The following PTPRB variants were observed in gnomAD, a reference collection of about 807,000 sequenced individuals.
The protein encoded by PTPRB is protein tyrosine phosphatase receptor type B.
In PTPRB, 97 loss-of-function variants were observed where a neutral mutation model predicts 238.1. The ratio of observed to expected loss-of-function variants is 0.41; its 90% CI spans 0.35 to 0.48. The LOEUF is 0.48. Among genes scored for constraint, PTPRB ranks in the 20% least tolerant of loss-of-function variants. The pLI, the probability that PTPRB is intolerant of heterozygous loss-of-function variation, is 0.30. For synonymous variants in PTPRB, 970 were observed against 995.4 expected, an observed-to-expected ratio of 0.97 and a Z score of 0.48; for missense variants, 2,292 against 2,681.9, an observed-to-expected ratio of 0.85 and a Z score of 3.21.
chr12:70,558,423 G>A (rs1878017809), intron 18 of PTPRB, among the ~76,000 whole-genome samples: 2 of 152,090 alleles, frequency 1.3e-5, no homozygotes, highest in Non-Finnish European at 2.9e-5. Context: ...TTTCAACTAT[G>A]TATTTTATCA....
Position 70,566,415 on chromosome 12 carries a change from C to T in PTPRB, c.3904+20G>A. Reference sequence around the variant, plus strand: ...GACATTGGCAATATGTGCTACAAAACATTATGCTGTGCTAATTACCTGTTC... The same window carrying T: ...GACATTGGCAATATGTGCTACAAAATATTATGCTGTGCTAATTACCTGTTC... On this transcript the variant is annotated intron_variant, in intron 15 of 33. Coordinates refer to ENST00000334414, the MANE Select transcript of PTPRB (RefSeq NM_001109754.4). 1 of 1,611,196 alleles carries T rather than the reference C, an allele frequency of 6.2e-7. No homozygotes were observed. Among genetic ancestry groups the T allele is most frequent in the Non-Finnish European group, 8.5e-7 (1 of 1,178,346 alleles).
In PTPRB at chr12:70,560,580, C is replaced by G; in HGVS notation, c.4432+91G>C. 1 of 1,529,740 alleles carries G rather than the reference C, an allele frequency of 6.5e-7. No homozygotes were observed. Among genetic ancestry groups the G allele is most frequent in the East Asian group, 2.3e-5 (1 of 44,232 alleles). The allele number at this position is 1,529,740 out of a possible 1,614,324, so 94.8% of individuals were successfully genotyped here. ...CTAGCTCAGGGTATATCATTATTGG[C>G]TTTATCTCTTGTCATTAAAATCAGA... On this transcript the variant is annotated intron_variant, in intron 17 of 33. Coordinates refer to ENST00000334414, the MANE Select transcript of PTPRB (RefSeq NM_001109754.4). This position sits in a 1 kb window ranked among gnomAD's most constrained non-coding sequence, Gnocchi z 4.2.
In PTPRB at chr12:70,570,744, C is replaced by T. The variant is rs191505696; in HGVS notation, c.3370+282G>A. On this transcript the variant is annotated intron_variant, in intron 13 of 33. Coordinates refer to ENST00000334414, the MANE Select transcript of PTPRB (RefSeq NM_001109754.4). ...TTCTAAAGAAGTGATACCCAAGTAA[C>T]ACTTAATTCTTAATCTGTGTGCCTC... 1.6e-4 allele frequency among the ~76,000 whole-genome samples: 24 copies of T among 152,268 alleles called. 1 individual carries two copies. In the Middle Eastern group the frequency reaches 0.01, roughly 65 times the overall value.
rs1449699622 is a variant in PTPRB, at chr12:70,560,722, C to T, written c.4381G>A (p.Val1461Ile). The T allele has an allele frequency of 6.2e-7, 1 of 1,613,838 alleles. No homozygotes were observed. Among genetic ancestry groups the T allele is most frequent in the African/African-American group, 1.3e-5 (1 of 74,922 alleles). The change falls in exon 17 of 34, where the codon GTA (valine) becomes ATA (isoleucine). Residue 1461 changes from valine to isoleucine, a missense_variant. Physicochemically the swap from Val to Ile is conservative, Grantham distance 29 (BLOSUM62 3). Coordinates refer to ENST00000334414, the MANE Select transcript of PTPRB (RefSeq NM_001109754.4). This position sits in a 1 kb window ranked among gnomAD's most constrained non-coding sequence, Gnocchi z 4.2. The stretch of plus-strand genomic sequence containing the variant: ...TTGCTGAGATCTCCACTGTGAGTTA[C>T]CACCCACAGCACGTACTTCCTTCCA... ...VPGRKYVLWV[V>I]THSGDLSNKV...
rs1555230172 is a variant in PTPRB, at chr12:70,576,662, T to TAGGGGG, written c.2579-18_2579-17insCCCCCT. The TAGGGGG allele has an allele frequency of 3.3e-4, 5 of 15,194 alleles. No homozygotes were observed. Among genetic ancestry groups the TAGGGGG allele is most frequent in the Non-Finnish European group, 5.2e-4 (5 of 9,620 alleles). 0.9% of individuals were successfully genotyped at this position (15,194 alleles called of 1,614,324 possible). ...TGGAAGGGACTGTGATTTTGAAAGG[T>TAGGGGG]GGGGGGCGGGGGGGGGGGGGAAGGG... is the stretch of plus-strand genomic sequence containing the variant. On this transcript the variant is annotated splice_polypyrimidine_tract_variant and intron_variant, in intron 10 of 33. Transcript: ENST00000334414.
intron 3 of PTPRB, among the ~76,000 whole-genome samples, chr12:70,614,755 T>C (rs976479518): frequency 7.9e-5 from 12 of 152,158 alleles, no homozygotes; most frequent in African/African-American, 2.9e-4. Context: ...AACTACAAGA[T>C]GGCAAATCCT....
At chr12:70,604,320 T>A (rs191261478) in intron 4 of PTPRB, among the ~76,000 whole-genome samples, 1 of 152,154 alleles carries the variant, frequency 6.6e-6, no homozygotes, top group African/African-American at 2.4e-5. Flanking sequence ...CTGGGAAAGA[T>A]AATAAATACT....
chr12:70,613,628 A>G (rs1285957314), intron 3 of PTPRB, among the ~76,000 whole-genome samples: 1 of 152,114 alleles, frequency 6.6e-6, no homozygotes, highest in East Asian at 1.9e-4. Context: ...AATTCAGAGC[A>G]ATGACTTTTG....
intron 16 of PTPRB, 106 bp from the exon 17 acceptor site, chr12:70,561,040 A>C: frequency 8.7e-7 from 1 of 1,149,632 alleles, no homozygotes; most frequent in South Asian, 1.5e-5. Context: ...AGTCGTACAT[A>C]TTGTAGTCAG....
At chr12:70,524,702 G>A in intron 32 of PTPRB, 111 bp from the exon 33 acceptor site, 1 of 1,133,824 alleles carries the variant, frequency 8.8e-7, no homozygotes, top group Non-Finnish European at 1.2e-6. Context: ...CAAATTTCTT[G>A]AACATCGCTT....
At chr12:70,525,925 T>G (rs1353915934) in intron 32 of PTPRB, among the ~76,000 whole-genome samples, 1 of 150,182 alleles carries the variant, frequency 6.7e-6, no homozygotes, top group Non-Finnish European at 1.5e-5. Context: ...TTAAAGGATA[T>G]AGATTGATGT....
chr12:70,572,155 AGCTGG>A, intron 11 of PTPRB, 68 bp from the exon 12 acceptor site: 1 of 1,403,636 alleles, frequency 7.1e-7, no homozygotes, highest in Admixed American at 2.1e-5. Context: ...ACAGATGACA[AGCTGG>A]GACAATAAAA....
At chr12:70,559,653 A>G (rs1333332473) in intron 17 of PTPRB, 29 bp from the exon 18 acceptor site, 4 of 1,557,832 alleles carry the variant, frequency 2.6e-6, no homozygotes, top group Non-Finnish European at 3.5e-6. Flanking sequence ...GAAAAATCAC[A>G]TAATCACAGC....
At chr12:70,535,796 C>T (rs1224944807) in intron 29 of PTPRB, among the ~76,000 whole-genome samples, 1 of 152,164 alleles carries the variant, frequency 6.6e-6, no homozygotes, top group Non-Finnish European at 1.5e-5. Flanking sequence ...TGCCACTAAT[C>T]CCAGTCCTCA....
intron 9 of PTPRB, among the ~76,000 whole-genome samples, chr12:70,583,356 G>C (rs1881576339): frequency 6.6e-6 from 1 of 152,126 alleles, no homozygotes; most frequent in Non-Finnish European, 1.5e-5. Flanking sequence ...GACTTGTCAG[G>C]AATGTAAGAG....
At position 70,541,129 on chromosome 12, in the gene PTPRB, A is replaced by G. The variant is rs180847255; in HGVS notation, c.5495-172T>C. On this transcript the variant is annotated intron_variant, in intron 22 of 33. Transcript: ENST00000334414. The stretch of plus-strand genomic sequence containing the variant: ...AAAGGCTCTGAGTATGCACCTAAGA[A>G]GATGATGAAAGGCTGGCTCCCACCC... The G allele has an allele frequency of 1.4e-5, 8 of 589,234 alleles. No homozygotes were observed. In the African/African-American group the frequency reaches 1.5e-4, roughly 11 times the overall value. 36.5% of individuals were successfully genotyped at this position (589,234 alleles called of 1,614,324 possible).
chr12:70,528,686 C>T (rs925789799), intron 32 of PTPRB, among the ~76,000 whole-genome samples: 4 of 152,162 alleles, frequency 2.6e-5, no homozygotes, highest in African/African-American at 9.7e-5. Flanking sequence ...AATAAATGCA[C>T]ATATCCATGC....
In PTPRB at chr12:70,637,390, C is replaced by T. The variant is rs985426068; in HGVS notation, c.6G>A (p.Glu2=). M[E]AEFYMVILTC... ...TAAGAATCACCATGTAAAATTCAGC[C>T]TCCATTTTCCACTTAGCAACTGTTC... Residue 2 remains glutamate, a synonymous_variant, in exon 1 of 34, where the codon GAG becomes GAA. Transcript: ENST00000334414. 24 of 1,607,824 alleles carry T rather than the reference C, an allele frequency of 1.5e-5. No homozygotes were observed. The highest frequency in any genetic ancestry group is 1.9e-5 in the Non-Finnish European group (22 of 1,177,246).
At chr12:70,573,559 T>G (rs1880359503) in intron 11 of PTPRB, among the ~76,000 whole-genome samples, 1 of 145,764 alleles carries the variant, frequency 6.9e-6, no homozygotes, top group Non-Finnish European at 1.5e-5. Context: ...CGGGCTGGAG[T>G]GCAGTGGTGC....
Sources: allele counts gnomAD v4.1 joint callset (sites outside exome capture counted in the v4.1 genomes callset), GRCh38; gene constraint gnomAD v4.1.1; non-coding constraint Gnocchi (gnomAD v3.1); transcripts MANE v1.5; gene names NCBI Gene and HGNC (gene_info 2026-07-23, HGNC 2026-07-21).